Variants in DIAPH1 observed in about 807,000 individuals in gnomAD.
The protein encoded by DIAPH1 is protein diaphanous homolog 1.
Under a neutral mutation model 140.7 loss-of-function variants are expected in DIAPH1, and 46 were observed. The observed-to-expected ratio is 0.33, with a 90% confidence interval of 0.26 to 0.42. The LOEUF (loss-of-function observed/expected upper bound fraction) is 0.42. Ranked by LOEUF, DIAPH1 falls within the 10% of genes least tolerant of loss-of-function variation. DIAPH1 has a pLI of 1.00. For synonymous variants in DIAPH1, 565 were observed against 551.6 expected, an observed-to-expected ratio of 1.02 and a Z score of -0.34; for missense variants, 1,310 against 1,558.7, an observed-to-expected ratio of 0.84 and a Z score of 2.69.
At chr5:141,561,294 G>A (rs938154386) in intron 18 of DIAPH1, among the ~76,000 whole-genome samples, 2 of 151,908 alleles carry the variant, frequency 1.3e-5, no homozygotes, top group Non-Finnish European at 2.9e-5. Flanking sequence ...CAGAAATGGG[G>A]TTACCAATGC....
chr5:141,571,888 C>G lies in DIAPH1; in HGVS notation c.2473+38G>C, dbSNP rs200373530. On this transcript the variant is annotated intron_variant, in intron 17 of 27. Transcript: ENST00000389054. ...ACCTAATGAAAAAATATTCTAAGCC[C>G]TACACTGGACCTTTGCATCAAAGAG... The G allele has an allele frequency of 2.1e-6, 3 of 1,426,728 alleles. No homozygotes were observed. In the East Asian group the frequency reaches 6.8e-5, roughly 32 times the overall value. The allele number at this position is 1,426,728 out of a possible 1,614,324, so 88.4% of individuals were successfully genotyped here.
intron 1 of DIAPH1, among the ~76,000 whole-genome samples, chr5:141,611,528 C>A (rs1211554361): frequency 6.6e-6 from 1 of 151,992 alleles, no homozygotes; most frequent in Non-Finnish European, 1.5e-5. Context: ...TGCATTCCAA[C>A]TTAGGCAACA....
At position 141,573,989 on chromosome 5, in the gene DIAPH1, A is replaced by AAGGAGGTGG. The variant is rs1562320985; in HGVS notation, c.1852_1860dup (p.Pro618_Pro620dup). The AAGGAGGTGG allele has an allele frequency of 9.8e-6, 15 of 1,527,452 alleles. No individual in the cohort carries two copies. Among genetic ancestry groups the AAGGAGGTGG allele is most frequent in the East Asian group, 2.5e-5 (1 of 40,092 alleles). 94.6% of individuals were successfully genotyped at this position (1,527,452 alleles called of 1,614,324 possible). On this transcript the variant is annotated inframe_insertion, in exon 16 of 28. Transcript: ENST00000389054. Reference sequence around the variant, plus strand: ...GAGGAGATGCAAACACCCCCAGGCAAAGGAGGTGGAGGAGGAGGAGGAGGA... The same window carrying AAGGAGGTGG: ...GAGGAGATGCAAACACCCCCAGGCAAAGGAGGTGGAGGAGGTGGAGGAGGAGGAGGAGGA...
At chr5:141,599,987 C>CA (rs2099899901) in intron 1 of DIAPH1, among the ~76,000 whole-genome samples, 1 of 152,176 alleles carries the variant, frequency 6.6e-6, no homozygotes, top group Admixed American at 6.5e-5. Flanking sequence ...CTCAGCCTCC[C>CA]AAGTAGTGGG....
intron 1 of DIAPH1, among the ~76,000 whole-genome samples, chr5:141,594,685 G>A (rs991013911): frequency 5.3e-5 from 8 of 151,908 alleles, no homozygotes; most frequent in Non-Finnish European, 1.2e-4. Flanking sequence ...AGAGGTTGCA[G>A]TGAGCCAAGA....
chr5:141,525,945 G>T (rs1361382930), intron 26 of DIAPH1, 93 bp downstream of exon 26: 1 of 1,594,578 alleles, frequency 6.3e-7, no homozygotes, highest in East Asian at 2.2e-5. Context: ...GCCAGGAGGT[G>T]AGCTCAGACA....
chr5:141,618,936 C>G lies in DIAPH1; in HGVS notation c.-22G>C. On this transcript the variant is annotated 5_prime_UTR_variant, in exon 1 of 28. Coordinates refer to ENST00000389054, the MANE Select transcript of DIAPH1 (RefSeq NM_005219.5). ...CCATGTCCCGGTTCACGCTGGCCGG[C>G]GACCCCGCGCCTACGCCGCTCCCGC... is the stretch of plus-strand genomic sequence containing the variant. 7.1e-7 allele frequency: 1 copy of G among 1,402,690 alleles called. No individual in the cohort carries two copies. Among genetic ancestry groups the G allele is most frequent in the East Asian group, 3.1e-5 (1 of 32,352 alleles). The allele number at this position is 1,402,690 out of a possible 1,614,324, so 86.9% of individuals were successfully genotyped here. A position where few individuals can be genotyped will look rare whatever the true frequency, so the allele number is the denominator to read the frequency against.
At chr5:141,572,821 G>C (rs1010748930) in intron 16 of DIAPH1, among the ~76,000 whole-genome samples, 46 of 151,946 alleles carry the variant, frequency 3.0e-4, no homozygotes, top group African/African-American at 1.0e-3. Flanking sequence ...AATTGGGATA[G>C]GAGAGTGGAT....
intron 18 of DIAPH1, among the ~76,000 whole-genome samples, chr5:141,539,100 C>A (rs1303486758): frequency 6.6e-6 from 1 of 151,600 alleles, no homozygotes; most frequent in Non-Finnish European, 1.5e-5. Context: ...CATGGTGAAA[C>A]CCTGTCTCTA....
intron 7 of DIAPH1, 194 bp downstream of exon 7, chr5:141,582,116 CTG>C: frequency 2.7e-6 from 1 of 368,934 alleles, no homozygotes. Context: ...AGCCTGTCCT[CTG>C]AAACAGAAGT....
chr5:141,557,644 C>T (rs2099892833), intron 18 of DIAPH1: 1 of 152,076 alleles, frequency 6.6e-6, no homozygotes, highest in Admixed American at 6.6e-5. Flanking sequence ...GCAAAAACAC[C>T]TAAACCCAGG....
intron 1 of DIAPH1, among the ~76,000 whole-genome samples, chr5:141,614,595 C>A (rs1349783017): frequency 6.6e-6 from 1 of 152,162 alleles, no homozygotes; most frequent in African/African-American, 2.4e-5. Context: ...GATTTTAATT[C>A]TAAGGCATTC....
chr5:141,612,837 A>G (rs2099902058), intron 1 of DIAPH1, among the ~76,000 whole-genome samples: 1 of 152,246 alleles, frequency 6.6e-6, no homozygotes, highest in Non-Finnish European at 1.5e-5. Context: ...GACACTGAAA[A>G]TAAAACACAG....
chr5:141,580,130 A>G (rs1204582676), intron 8 of DIAPH1, among the ~76,000 whole-genome samples: 1 of 152,234 alleles, frequency 6.6e-6, no homozygotes, highest in Non-Finnish European at 1.5e-5. Context: ...AAACAGGTTG[A>G]AAAGAATGAT....
chr5:141,569,230 TGTTTGGA>T (rs1217296333), intron 18 of DIAPH1, among the ~76,000 whole-genome samples: 1 of 152,172 alleles, frequency 6.6e-6, no homozygotes, highest in Non-Finnish European at 1.5e-5. Flanking sequence ...TTGGAGTCAC[TGTTTGGA>T]GTCTGAATTC....
At chr5:141,568,517 A>G (rs762614726) in intron 18 of DIAPH1, among the ~76,000 whole-genome samples, 1 of 152,234 alleles carries the variant, frequency 6.6e-6, no homozygotes, top group Admixed American at 6.5e-5. Context: ...CTTCAGAAAC[A>G]AGACACTAAT....
At chr5:141,556,855 C>T (rs941978523) in intron 18 of DIAPH1, among the ~76,000 whole-genome samples, 2 of 152,082 alleles carry the variant, frequency 1.3e-5, no homozygotes, top group African/African-American at 2.4e-5. Flanking sequence ...CCAGGCGGCC[C>T]GGCTAATTTT....
rs1214856083 is a variant in DIAPH1 at position 141,529,629 on chromosome 5, C to A, written c.2650G>T (p.Ala884Ser). ...TGGATCATAGACTCAGTCAGAACAG[C>A]CTCATTCACCTCCAGGATGACATTC... is the stretch of plus-strand genomic sequence containing the variant. Reference protein sequence around the residue: ...IKNVILEVNEAVLTESMIQNL... With the variant: ...IKNVILEVNESVLTESMIQNL... Residue 884 changes from alanine (A) to serine (S), a missense_variant, in exon 20 of 28, where the codon GCT becomes TCT. Ala to Ser is a moderately conservative substitution (Grantham distance 99). Around this residue, in one of 3 missense-constraint regions of DIAPH1, gnomAD observed 344 missense variants for 512.2 expected, o/e 0.67. Transcript: ENST00000389054. 6.2e-7 allele frequency: 1 copy of A among 1,614,026 alleles called. No individual in the cohort carries two copies. The highest frequency in any genetic ancestry group is 8.5e-7 in the Non-Finnish European group (1 of 1,180,006).
In DIAPH1 at chr5:141,578,547, G is replaced by A; in HGVS notation, c.1012C>T (p.Leu338=). 6.2e-7 allele frequency: 1 copy of A among 1,614,078 alleles called. No individual in the cohort carries two copies. The highest frequency in any genetic ancestry group is 8.5e-7 in the Non-Finnish European group (1 of 1,180,014). Residue 338 remains leucine (L), a synonymous_variant, in exon 10 of 28, where the codon CTG becomes TTG. Coordinates refer to ENST00000389054, the MANE Select transcript of DIAPH1 (RefSeq NM_005219.5). The stretch of plus-strand genomic sequence containing the variant: ...ACCTGATGTAGCCCCAAACGCATCA[G>A]TTCACTTCTGATGTGAACTCGGAAG... ...LDFRVHIRSE[L]MRLGLHQVLQ...
Sources: gnomAD v4.1 joint callset for allele counts (sites outside exome capture counted in the v4.1 genomes callset) on GRCh38, gnomAD v4.1.1 for gene constraint, gnomAD v4.1.1 regional missense constraint, MANE v1.5 for transcripts, NCBI Gene and HGNC (gene_info 2026-07-23, HGNC 2026-07-21) for gene names.